DRC8: variants seen among roughly 807,000 people sequenced by gnomAD.
The protein encoded by DRC8 is dynein regulatory complex subunit 8.
At chr1:244,987,269 C>T in the DRC8 span, among the ~76,000 whole-genome samples, 3 of 151,008 alleles carry the variant, frequency 2.0e-5, no homozygotes, top group African/African-American at 7.3e-5. Flanking sequence ...GGCGCGTTCT[C>T]AGCTCACTAC....
chr1:244,984,807 C>G, the DRC8 span, among the ~76,000 whole-genome samples: 4 of 150,316 alleles, frequency 2.7e-5, no homozygotes, highest in Admixed American at 2.0e-4. Context: ...TACACTCCAG[C>G]CTGGGCGACA....
the DRC8 span, among the ~76,000 whole-genome samples, chr1:245,057,183 G>T: frequency 1.3e-5 from 2 of 152,242 alleles, no homozygotes; most frequent in South Asian, 2.1e-4. Flanking sequence ...TATGTCTGTT[G>T]TAACATCCGG....
the DRC8 span, among the ~76,000 whole-genome samples, chr1:245,068,798 CT>C: frequency 6.6e-6 from 1 of 151,960 alleles, no homozygotes; most frequent in African/African-American, 2.4e-5. Context: ...CTGAATCTTG[CT>C]TTTTTCCACC....
the DRC8 span, among the ~76,000 whole-genome samples, chr1:245,038,094 C>T: frequency 6.6e-6 from 1 of 152,014 alleles, no homozygotes; most frequent in African/African-American, 2.4e-5. Flanking sequence ...AAAATATCAC[C>T]AGATCTTTTC....
At chr1:245,026,846 C>G in the DRC8 span, among the ~76,000 whole-genome samples, 1 of 152,068 alleles carries the variant, frequency 6.6e-6, no homozygotes, top group Non-Finnish European at 1.5e-5. Flanking sequence ...TTTATGAATA[C>G]AAATATATGC....
At chr1:245,096,526 G>A in the DRC8 span, among the ~76,000 whole-genome samples, 3 of 152,220 alleles carry the variant, frequency 2.0e-5, no homozygotes, top group South Asian at 4.1e-4. Context: ...CATAGCCCTT[G>A]TCCTTGAGAG....
chr1:245,087,259 C>G, the DRC8 span: 4 of 1,605,400 alleles, frequency 2.5e-6, no homozygotes, highest in South Asian at 4.5e-5. Flanking sequence ...GCCTTTTTCT[C>G]AAGAGGAAAT....
chr1:245,110,419 G>T, the DRC8 span, among the ~76,000 whole-genome samples: 1 of 149,570 alleles, frequency 6.7e-6, no homozygotes, highest in African/African-American at 2.5e-5. Context: ...ACAAAACAAA[G>T]AATTAAGTTG....
At chr1:244,978,042 C>G in the DRC8 span, among the ~76,000 whole-genome samples, 5 of 152,158 alleles carry the variant, frequency 3.3e-5, no homozygotes, top group Non-Finnish European at 7.3e-5. Context: ...ACTTTAAAAA[C>G]CCACTTAAAT....
chr1:245,086,082 G>C, the DRC8 span, among the ~76,000 whole-genome samples: 5 of 152,240 alleles, frequency 3.3e-5, no homozygotes, highest in Non-Finnish European at 7.3e-5. Context: ...TTCGAAAATG[G>C]TATGTTTACA....
At chr1:245,121,031 G>A in the DRC8 span, among the ~76,000 whole-genome samples, 2 of 152,342 alleles carry the variant, frequency 1.3e-5, no homozygotes, top group East Asian at 3.8e-4. Context: ...GGCAAATACA[G>A]TTCAAAATTA....
At chr1:245,103,194 G>A in the DRC8 span, among the ~76,000 whole-genome samples, 6 of 116,926 alleles carry the variant, frequency 5.1e-5, no homozygotes, top group East Asian at 1.9e-3. Context: ...TGGTCAGGAG[G>A]GAGACCAGAG....
chr1:244,988,738 T>TA, the DRC8 span, among the ~76,000 whole-genome samples: 6 of 152,356 alleles, frequency 3.9e-5, no homozygotes, highest in African/African-American at 1.4e-4. Context: ...CTGTGTAACT[T>TA]ACTTTCCTGA....
At chr1:244,990,140 G>A in the DRC8 span, among the ~76,000 whole-genome samples, 1 of 152,220 alleles carries the variant, frequency 6.6e-6, no homozygotes, top group Non-Finnish European at 1.5e-5. Flanking sequence ...GTCAACAGTA[G>A]CCTGACACTG....
chr1:245,092,805 T>G, the DRC8 span, among the ~76,000 whole-genome samples: 1 of 152,202 alleles, frequency 6.6e-6, no homozygotes, highest in Non-Finnish European at 1.5e-5. Context: ...TTAATATTGC[T>G]GAGCTTCCCC....
At chr1:245,009,625 GC>G in the DRC8 span, among the ~76,000 whole-genome samples, 13 of 151,622 alleles carry the variant, frequency 8.6e-5, no homozygotes, top group Non-Finnish European at 1.6e-4. Flanking sequence ...CCGCCATCAT[GC>G]CCGGCTAATT....
the DRC8 span, among the ~76,000 whole-genome samples, chr1:245,065,999 C>T: frequency 4.0e-5 from 6 of 151,766 alleles, no homozygotes; most frequent in Non-Finnish European, 7.4e-5. Context: ...GTTCCTGGTC[C>T]CTCATCCTCA....
At chr1:245,081,025 C>A in the DRC8 span, among the ~76,000 whole-genome samples, 1 of 152,194 alleles carries the variant, frequency 6.6e-6, no homozygotes, top group Non-Finnish European at 1.5e-5. Flanking sequence ...TTACCTTCTA[C>A]TCATACTCTC....
At chr1:245,021,221 T>C in the DRC8 span, among the ~76,000 whole-genome samples, 1 of 152,108 alleles carries the variant, frequency 6.6e-6, no homozygotes, top group African/African-American at 2.4e-5. Context: ...TCTAATATGA[T>C]AGTAAATATA....
Sources: allele counts gnomAD v4.1 joint callset (sites outside exome capture counted in the v4.1 genomes callset), GRCh38; gene constraint gnomAD v4.1.1; transcripts MANE v1.5; gene names NCBI Gene and HGNC (gene_info 2026-07-23, HGNC 2026-07-21).